Variants in IQSEC3 observed in about 807,000 individuals in gnomAD.
The protein encoded by IQSEC3 is IQ motif and SEC7 domain-containing protein 3.
IQSEC3 carries 50 observed loss-of-function variants against 105.4 expected under a neutral mutation model. That is an observed-to-expected ratio of 0.47 (90% CI 0.38 to 0.60). The LOEUF (loss-of-function observed/expected upper bound fraction) is 0.60, where lower values mean the gene tolerates loss of function less well. Among genes scored for constraint, IQSEC3 ranks in the 20% least tolerant of loss-of-function variants. The probability of loss-of-function intolerance (pLI) is 0.00; values close to 1 mark genes in which losing one functional copy is unlikely to be tolerated. For synonymous variants in IQSEC3, 708 were observed against 746.0 expected (o/e 0.95, Z 0.83); for missense variants, 1,415 against 1,630.0 (o/e 0.87, Z 2.27).
chr12:78,118 C>T (rs1209110920), intron 1 of IQSEC3, among the ~76,000 whole-genome samples: 10 of 150,896 alleles, frequency 6.6e-5, no homozygotes, highest in African/African-American at 2.2e-4. Context: ...CGGGCGCCCC[C>T]GCCTCCCCGC....
At chr12:113,772 G>A (rs1046796064) in intron 2 of IQSEC3, among the ~76,000 whole-genome samples, 1 of 152,248 alleles carries the variant, frequency 6.6e-6, no homozygotes, top group Admixed American at 6.5e-5. Flanking sequence ...CTTAAAAATA[G>A]CGAAGGTCCC....
chr12:169,597 C>A (rs1397975610), intron 12 of IQSEC3, among the ~76,000 whole-genome samples: 2 of 152,172 alleles, frequency 1.3e-5, no homozygotes, highest in African/African-American at 2.4e-5. Context: ...CAGGTCAGCC[C>A]ACCCCAAATC....
At chr12:91,373 C>T (rs1039980446) in intron 1 of IQSEC3, among the ~76,000 whole-genome samples, 5 of 152,204 alleles carry the variant, frequency 3.3e-5, no homozygotes, top group Admixed American at 6.5e-5. Context: ...GCTCTGGATG[C>T]GGCTTTCCTG....
intron 2 of IQSEC3, among the ~76,000 whole-genome samples, chr12:102,480 G>T (rs552188189): frequency 2.6e-5 from 4 of 152,338 alleles, no homozygotes; most frequent in Admixed American, 6.5e-5. Flanking sequence ...CTGAGCAAGT[G>T]CCTTCACTGC....
intron 7 of IQSEC3, among the ~76,000 whole-genome samples, chr12:159,291 C>T (rs1401157264): frequency 2.0e-5 from 3 of 152,212 alleles, no homozygotes; most frequent in African/African-American, 4.8e-5. Context: ...AGTCATCTTC[C>T]GGGAGCCTCT....
At chr12:79,117 G>T (rs1863658315) in intron 1 of IQSEC3, among the ~76,000 whole-genome samples, 1 of 152,148 alleles carries the variant, frequency 6.6e-6, no homozygotes, top group Admixed American at 6.5e-5. Context: ...TCTGCGGGTG[G>T]CCCTGCCTCA....
chr12:153,979 C>A lies in IQSEC3; in HGVS notation c.2154-3046C>A, dbSNP rs143385853. ...TGGGGTCCAGCGAGCTGCATTTTAA[C>A]AAACCACCTTATGACTCCGCTGTGG... On this transcript the variant is annotated intron_variant, in intron 5 of 13. Coordinates refer to ENST00000538872, the MANE Select transcript of IQSEC3 (RefSeq NM_001170738.2). Among the ~76,000 whole-genome samples the A allele has an allele frequency of 7.3e-3, 1,110 of 152,202 alleles. 19 individuals are homozygous for A. Among genetic ancestry groups the A allele is most frequent in the African/African-American group, 0.025 (1,029 of 41,512 alleles).
At chr12:172,999 G>C (rs1429178908) in intron 13 of IQSEC3, among the ~76,000 whole-genome samples, 1 of 152,180 alleles carries the variant, frequency 6.6e-6, no homozygotes, top group East Asian at 1.9e-4. Context: ...CATTCGCCTG[G>C]GGAGAGGCCG....
chr12:145,962 G>T (rs1866249430), intron 5 of IQSEC3, among the ~76,000 whole-genome samples: 1 of 152,224 alleles, frequency 6.6e-6, no homozygotes, highest in African/African-American at 2.4e-5. Flanking sequence ...TGAGCTGCCG[G>T]AAGAAAGCTT....
At chr12:159,406 C>A (rs138225218) in intron 7 of IQSEC3, among the ~76,000 whole-genome samples, 161 of 152,336 alleles carry the variant, frequency 1.1e-3, no homozygotes, top group African/African-American at 3.7e-3. Flanking sequence ...CATGTCAGAG[C>A]TTCCTCATTT....
rs1864919093 is a variant in IQSEC3 at position 112,329 on chromosome 12, G to A, written c.623+13115G>A. ...GGGGGATGGTGGGGAAGTGGGGGAG[G>A]CCGAGAAGCAGGCATCAGCTATCCA... is the stretch of plus-strand genomic sequence containing the variant. On this transcript the variant is annotated intron_variant, in intron 2 of 13. Transcript: ENST00000538872. 3.3e-5 allele frequency among the ~76,000 whole-genome samples: 5 copies of A among 152,110 alleles called. No homozygotes were observed. The South Asian group carries it at 6.2e-4, about 19-fold the overall frequency.
intron 5 of IQSEC3, among the ~76,000 whole-genome samples, chr12:153,884 C>T (rs1400120975): frequency 1.3e-5 from 2 of 152,180 alleles, no homozygotes; most frequent in South Asian, 2.1e-4. Context: ...TAGGAACAAC[C>T]GGGAGATCTT....
intron 12 of IQSEC3, among the ~76,000 whole-genome samples, chr12:170,755 G>C (rs1938942595): frequency 6.6e-6 from 1 of 152,224 alleles, no homozygotes; most frequent in Non-Finnish European, 1.5e-5. Context: ...CGTGGCCCAC[G>C]CTCAAGGAGC....
chr12:157,488 C>CG lies in IQSEC3; in HGVS notation c.2277-35dup, dbSNP rs782033611. ...TTTGTTGGGCCCGGGGGAGGGTGGG[C>CG]GGGGGCTCAGCGTCCGCTCTGCATC... On this transcript the variant is annotated intron_variant, in intron 6 of 13. Transcript: ENST00000538872. 1.1e-5 allele frequency: 13 copies of CG among 1,186,028 alleles called. No individual in the cohort carries two copies. The Admixed American group carries it at 1.7e-4, about 16-fold the overall frequency. The allele number at this position is 1,186,028 out of a possible 1,614,324, so 73.5% of individuals were successfully genotyped here. A position where few individuals can be genotyped will look rare whatever the true frequency, so the allele number is the denominator to read the frequency against.
chr12:99,951 T>G (rs1420322607), intron 2 of IQSEC3, among the ~76,000 whole-genome samples: 1 of 146,200 alleles, frequency 6.8e-6, no homozygotes, highest in African/African-American at 2.5e-5. Flanking sequence ...CCCCGATCTG[T>G]GTTCTGTCAA....
chr12:165,364 G>C (rs1220485584), intron 9 of IQSEC3, 70 bp from the exon 10 acceptor site: 1 of 1,146,578 alleles, frequency 8.7e-7, no homozygotes, highest in African/African-American at 1.5e-5. Flanking sequence ...GCATCCCCCG[G>C]GTGTTTGTGC....
intron 3 of IQSEC3, among the ~76,000 whole-genome samples, chr12:136,625 C>T (rs956462120): frequency 2.6e-5 from 4 of 152,036 alleles, no homozygotes; most frequent in Non-Finnish European, 4.4e-5. Flanking sequence ...CTGGAGAACA[C>T]GGGACGTCCC....
chr12:130,386 T>A lies in IQSEC3; in HGVS notation c.903+4474T>A, dbSNP rs147550520. 4.8e-3 allele frequency among the ~76,000 whole-genome samples: 725 copies of A among 152,316 alleles called. 10 individuals carry two copies. The highest frequency in any genetic ancestry group is 0.017 in the African/African-American group (697 of 41,570). ...GAAGATTAAGGCTGAGTGATGGTGA[T>A]GTTAAGTAACTTGCCCAAGGACACA... On this transcript the variant is annotated intron_variant, in intron 3 of 13. Transcript: ENST00000538872.
At chr12:173,815 C>A (rs1939131845) in intron 13 of IQSEC3, among the ~76,000 whole-genome samples, 1 of 152,306 alleles carries the variant, frequency 6.6e-6, no homozygotes, top group Middle Eastern at 3.4e-3. Context: ...CAAGGGGAGG[C>A]CAGGCTAGTC....
Sources: gnomAD v4.1 joint callset for allele counts (sites outside exome capture counted in the v4.1 genomes callset) on GRCh38, gnomAD v4.1.1 for gene constraint, MANE v1.5 for transcripts, NCBI Gene and HGNC (gene_info 2026-07-23, HGNC 2026-07-21) for gene names.